Variants in CTRB1 observed in about 807,000 individuals in gnomAD.
CTRB1 encodes the protein chymotrypsinogen B1.
A neutral mutation model predicts 20.4 loss-of-function variants in CTRB1; 15 were observed. The ratio of observed to expected loss-of-function variants is 0.74; its 90% CI spans 0.49 to 1.13. The LOEUF (loss-of-function observed/expected upper bound fraction) is 1.13, where lower values mean the gene tolerates loss of function less well. CTRB1 is among the 50% of genes most tolerant of loss of function. CTRB1 has a pLI of 0.00. For synonymous variants in CTRB1, 92 were observed against 128.4 expected (o/e 0.72, Z 1.92); for missense variants, 227 against 290.1 (o/e 0.78, Z 1.58).
At chr16:75,222,228 A>C (rs1175505370) in intron 1 of CTRB1, among the ~76,000 whole-genome samples, 1 of 151,198 alleles carries the variant, frequency 6.6e-6, no homozygotes, top group Non-Finnish European at 1.5e-5. Flanking sequence ...CAACCTGCCC[A>C]CCCAGGGTCC....
At position 75,224,059 on chromosome 16, in the gene CTRB1, C is replaced by G; in HGVS notation, c.501C>G (p.Asn167Lys). 1 of 1,107,214 alleles carries G rather than the reference C, an allele frequency of 9.0e-7. No homozygotes were observed. Among genetic ancestry groups the G allele is most frequent in the Non-Finnish European group, 1.3e-6 (1 of 783,116 alleles). The allele number at this position is 1,107,214 out of a possible 1,614,324, so 68.6% of individuals were successfully genotyped here. ...TGWGKTKYNANKTPDKLQQAA... is the reference protein window; with the variant it reads ...TGWGKTKYNAKKTPDKLQQAA... ...GACCCTCCTCCTGTCCTGCAGCCAA[C>G]AAGACCCCTGACAAGCTGCAGCAGG... The change falls in exon 6 of 7, where the codon AAC (asparagine) becomes AAG (lysine). Residue 167 changes from asparagine (N) to lysine (K), a missense_variant. Physicochemically the swap from Asn to Lys is moderately conservative, Grantham distance 94 (BLOSUM62 0). Transcript: ENST00000361017.
intron 1 of CTRB1, chr16:75,222,562 T>C: frequency 1.6e-6 from 1 of 606,230 alleles, no homozygotes; most frequent in Non-Finnish European, 2.9e-6. Context: ...CTCTGCATCC[T>C]GGAAGGATGA....
At position 75,224,773 on chromosome 16, in the gene CTRB1, G is replaced by A. The variant is rs1408197733; in HGVS notation, c.699G>A (p.Trp233Ter). 1.2e-6 allele frequency: 2 copies of A among 1,613,892 alleles called. No homozygotes were observed. Among genetic ancestry groups the A allele is most frequent in the Non-Finnish European group, 1.7e-6 (2 of 1,180,002 alleles). ...GAWTLVGIVS[W>*]GSDTCSTSSP... ...GGACCCTGGTGGGCATTGTGTCCTGGGGCAGCGACACCTGCTCCACCTCCA... is the reference window on the plus strand; with the variant it reads ...GGACCCTGGTGGGCATTGTGTCCTGAGGCAGCGACACCTGCTCCACCTCCA... Residue 233 changes from tryptophan (W) to a stop codon, truncating the protein, a stop_gained, in exon 7 of 7, where the codon TGG becomes TGA. Coordinates refer to ENST00000361017, the MANE Select transcript of CTRB1 (RefSeq NM_001906.6). LOFTEE classifies it low-confidence loss of function (END_TRUNC).
chr16:75,221,619 C>G (rs1432653067), intron 1 of CTRB1, among the ~76,000 whole-genome samples: 1 of 151,976 alleles, frequency 6.6e-6, no homozygotes. Flanking sequence ...CTTGGCCTCT[C>G]AAAGTGTTAG....
intron 1 of CTRB1, among the ~76,000 whole-genome samples, chr16:75,219,644 A>G (rs531263092): frequency 3.3e-5 from 5 of 152,266 alleles, no homozygotes; most frequent in African/African-American, 1.2e-4. Context: ...TCGGCCTCCC[A>G]AAGTGCTGGG....
chr16:75,220,916 C>G (rs1416989978), intron 1 of CTRB1, among the ~76,000 whole-genome samples: 1 of 152,028 alleles, frequency 6.6e-6, no homozygotes, highest in Non-Finnish European at 1.5e-5. Flanking sequence ...GAGCCACCAC[C>G]CCAGCTAATT....
chr16:75,219,395 C>A (rs1252398254), intron 1 of CTRB1, among the ~76,000 whole-genome samples: 1 of 145,574 alleles, frequency 6.9e-6, no homozygotes, highest in African/African-American at 2.5e-5. Flanking sequence ...TCCTTTCTTT[C>A]TTTTTTTTTT....
intron 5 of CTRB1, 117 bp from the exon 6 acceptor site, chr16:75,223,938 G>A (rs1597132863): frequency 7.7e-6 from 3 of 392,082 alleles, no homozygotes; most frequent in East Asian, 8.4e-5. Flanking sequence ...GGCTCCAGGG[G>A]CCGTACCCAA....
rs1275708946 is a variant in CTRB1, at chr16:75,222,790, C to G, written c.75C>G (p.His25Gln). The part of the protein sequence containing the change: ...AAFGCGVPAI[H>Q]PVLSGLSRIV... ...CAGGCTGCGGGGTCCCCGCCATCCA[C>G]CCTGTGCTCAGCGGCCTGTCCAGGA... The change falls in exon 2 of 7, where the codon CAC becomes CAG. Residue 25 changes from histidine to glutamine, a missense_variant. By Grantham distance (24) the His-to-Gln change is conservative. Coordinates refer to ENST00000361017, the MANE Select transcript of CTRB1 (RefSeq NM_001906.6). The G allele has an allele frequency of 1.3e-6, 2 of 1,555,442 alleles. No homozygotes were observed. The highest frequency in any genetic ancestry group is 8.7e-7 in the Non-Finnish European group (1 of 1,148,818).
chr16:75,220,435 C>G (rs1015590915), intron 1 of CTRB1, among the ~76,000 whole-genome samples: 3 of 152,230 alleles, frequency 2.0e-5, no homozygotes, highest in Non-Finnish European at 4.4e-5. Flanking sequence ...CCGCCCACCT[C>G]AGCCTCCCAA....
Position 75,224,231 on chromosome 16 carries a change from G to T in CTRB1, c.630+43G>T, listed in dbSNP as rs779977061. ...CAGGCCCTGGCCAGGCGAGCGGGGTGCAGGGGAGGTCTGGGCTTTCCACCC... is the reference window on the plus strand; with the variant it reads ...CAGGCCCTGGCCAGGCGAGCGGGGTTCAGGGGAGGTCTGGGCTTTCCACCC... On this transcript the variant is annotated intron_variant, in intron 6 of 6. Transcript: ENST00000361017. 305 of 1,474,256 alleles carry T rather than the reference G, an allele frequency of 2.1e-4. 1 individual carries two copies. In the Middle Eastern group the frequency reaches 4.1e-3, roughly 20 times the overall value. 91.3% of individuals were successfully genotyped at this position (1,474,256 alleles called of 1,614,324 possible). A position where few individuals can be genotyped will look rare whatever the true frequency, so the allele number is the denominator to read the frequency against.
At chr16:75,220,701 C>T (rs2039071111) in intron 1 of CTRB1, among the ~76,000 whole-genome samples, 1 of 152,204 alleles carries the variant, frequency 6.6e-6, no homozygotes, top group Non-Finnish European at 1.5e-5. Flanking sequence ...GCTCATTCAC[C>T]TGCATTTTTA....
intron 1 of CTRB1, among the ~76,000 whole-genome samples, chr16:75,220,452 G>A (rs1394490441): frequency 6.6e-6 from 1 of 152,192 alleles, no homozygotes; most frequent in Non-Finnish European, 1.5e-5. Context: ...CCAAAGTGAT[G>A]GGATTACAGG....
In CTRB1 at chr16:75,224,742, G is replaced by C. The variant is rs775023404; in HGVS notation, c.668G>C (p.Gly223Ala). The C allele has an allele frequency of 6.2e-7, 1 of 1,613,474 alleles. No homozygotes were observed. The highest frequency in any genetic ancestry group is 1.7e-5 in the Admixed American group (1 of 59,928). The change falls in exon 7 of 7, where the codon GGA becomes GCA. Residue 223 changes from glycine (G) to alanine (A), a missense_variant. By Grantham distance (60) the Gly-to-Ala change is moderately conservative. Around this residue, in one of 4 missense-constraint regions of CTRB1, gnomAD observed 108 missense variants for 76.9 expected, o/e 1.41. Transcript: ENST00000361017. ...SGGPLVCQKD[G>A]AWTLVGIVSW... ...GGCCCCCTGGTCTGCCAAAAGGATGGAGCCTGGACCCTGGTGGGCATTGTG... is the reference window on the plus strand; with the variant it reads ...GGCCCCCTGGTCTGCCAAAAGGATGCAGCCTGGACCCTGGTGGGCATTGTG...
intron 1 of CTRB1, among the ~76,000 whole-genome samples, chr16:75,219,629 C>T (rs1428255535): frequency 6.6e-6 from 1 of 152,140 alleles, no homozygotes; most frequent in Non-Finnish European, 1.5e-5. Context: ...GGTGATGCCC[C>T]CGCCTCGGCC....
At position 75,224,108 on chromosome 16, in the gene CTRB1, G is replaced by A. The variant is rs746105258; in HGVS notation, c.550G>A (p.Ala184Thr). 85 of 1,357,684 alleles carry A rather than the reference G, an allele frequency of 6.3e-5. No individual in the cohort carries two copies. Among genetic ancestry groups the A allele is most frequent in the Middle Eastern group, 4.9e-4 (2 of 4,066 alleles). 84.1% of individuals were successfully genotyped at this position (1,357,684 alleles called of 1,614,324 possible). ...QQAALPLLSN[A>T]ECKKSWGRRI... ...GGCAGCCCTGCCCCTCCTGTCCAAT[G>A]CCGAATGCAAGAAGTCCTGGGGCAG... The change falls in exon 6 of 7, where the codon GCC becomes ACC. Residue 184 changes from alanine (A) to threonine (T), a missense_variant. This residue lies in a region of CTRB1 where 36 missense variants were observed against 51.6 expected (regional missense o/e 0.70). Transcript: ENST00000361017.
rs1274394210 is a variant in CTRB1 at position 75,224,851 on chromosome 16, C to A, written c.777C>A (p.Ile259=). 1 of 1,613,920 alleles carries A rather than the reference C, an allele frequency of 6.2e-7. No homozygotes were observed. The highest frequency in any genetic ancestry group is 1.1e-5 in the South Asian group (1 of 91,090). ...AGCTCATACCTTGGGTGCAGAAGAT[C>A]CTGGCTGCCAACTGAGCCCGCGGCT... ...VTKLIPWVQK[I]LAAN The change falls in exon 7 of 7, where the codon ATC becomes ATA. Residue 259 remains isoleucine (I), a synonymous_variant. Coordinates refer to ENST00000361017, the MANE Select transcript of CTRB1 (RefSeq NM_001906.6).
rs917121804 is a variant in CTRB1 at position 75,222,793 on chromosome 16, T to C, written c.78T>C (p.Pro26=). 1.1e-5 allele frequency: 17 copies of C among 1,554,844 alleles called. No homozygotes were observed. Among genetic ancestry groups the C allele is most frequent in the African/African-American group, 8.2e-5 (6 of 73,376 alleles). ...GCTGCGGGGTCCCCGCCATCCACCC[T>C]GTGCTCAGCGGCCTGTCCAGGATCG... ...AFGCGVPAIH[P]VLSGLSRIVN... Residue 26 remains proline (P), a synonymous_variant, in exon 2 of 7, where the codon CCT becomes CCC. Coordinates refer to ENST00000361017, the MANE Select transcript of CTRB1 (RefSeq NM_001906.6).
intron 6 of CTRB1, among the ~76,000 whole-genome samples, 175 bp from the exon 7 acceptor site, chr16:75,224,530 G>C (rs9930774): frequency 0.034 from 5,159 of 152,326 alleles, 324 homozygotes; most frequent in African/African-American, 0.12. Context: ...CAGGCTTCCA[G>C]GGGCATGAAC....
Sources: gnomAD v4.1 joint callset for allele counts (sites outside exome capture counted in the v4.1 genomes callset) on GRCh38, gnomAD v4.1.1 for gene constraint, gnomAD v4.1.1 regional missense constraint, MANE v1.5 for transcripts, NCBI Gene and HGNC (gene_info 2026-07-23, HGNC 2026-07-21) for gene names.